Variants in MYH14 observed in about 807,000 individuals in gnomAD.
MYH14 encodes the protein myosin-14.
In MYH14, 123 loss-of-function variants were observed where a neutral mutation model predicts 255.5. The ratio of observed to expected loss-of-function variants is 0.48; its 90% CI spans 0.42 to 0.56. The LOEUF is 0.56. Among genes scored for constraint, MYH14 ranks in the 20% least tolerant of loss-of-function variants. The pLI, the probability that MYH14 is intolerant of heterozygous loss-of-function variation, is 0.00. For synonymous variants in MYH14, 1,095 were observed against 1,161.2 expected (o/e 0.94, Z 1.16); for missense variants, 2,423 against 2,802.3 (o/e 0.86, Z 3.06).
chr19:50,215,383 C>G (rs2032423307), intron 2 of MYH14, among the ~76,000 whole-genome samples: 2 of 152,220 alleles, frequency 1.3e-5, no homozygotes, highest in Admixed American at 6.5e-5. Context: ...GGGCAGACAC[C>G]CAGCAAACCG....
At position 50,280,297 on chromosome 19, in the gene MYH14, G is replaced by T; in HGVS notation, c.4204G>T (p.Glu1402Ter). The T allele has an allele frequency of 6.4e-7, 1 of 1,551,216 alleles. No individual in the cohort carries two copies. Among genetic ancestry groups the T allele is most frequent in the Non-Finnish European group, 8.7e-7 (1 of 1,146,896 alleles). Reference protein sequence around the residue: ...LGSRVRAMEAEAAGLREQLEE... With the variant: ...LGSRVRAMEA ...GTCCCGGGTGCGAGCCATGGAGGCTGAGGCAGCCGGGCTGCGTGAGCAGCT... is the reference window on the plus strand; with the variant it reads ...GTCCCGGGTGCGAGCCATGGAGGCTTAGGCAGCCGGGCTGCGTGAGCAGCT... The change falls in exon 32 of 43, where the codon GAG becomes TAG. Residue 1402 changes from glutamate to a stop codon, truncating the protein, a stop_gained. Coordinates refer to ENST00000642316, the MANE Select transcript of MYH14 (RefSeq NM_001145809.2). LOFTEE classifies it high-confidence loss of function. This position sits in a 1 kb window ranked among gnomAD's most constrained non-coding sequence, Gnocchi z 4.8.
intron 3 of MYH14, among the ~76,000 whole-genome samples, 171 bp downstream of exon 3, chr19:50,217,942 T>C (rs1403627936): frequency 6.6e-6 from 1 of 152,208 alleles, no homozygotes; most frequent in African/African-American, 2.4e-5. Flanking sequence ...GGTGAGGTGC[T>C]AGGTCCTAGA....
intron 2 of MYH14, among the ~76,000 whole-genome samples, chr19:50,217,328 C>T (rs1428271749): frequency 6.6e-6 from 1 of 152,190 alleles, no homozygotes; most frequent in East Asian, 1.9e-4. Flanking sequence ...CTGTGTGAGT[C>T]CAGGCAGCCA....
intron 34 of MYH14, among the ~76,000 whole-genome samples, chr19:50,287,369 C>T (rs1352325793): frequency 1.3e-5 from 2 of 152,200 alleles, no homozygotes; most frequent in Non-Finnish European, 2.9e-5. Context: ...TTTGTGTACA[C>T]GGGATGTAAG....
At chr19:50,256,284 A>C (rs920597379) in intron 17 of MYH14, among the ~76,000 whole-genome samples, 1 of 152,124 alleles carries the variant, frequency 6.6e-6, no homozygotes, top group African/African-American at 2.4e-5. Context: ...CTCAGAAAAC[A>C]AACAAACAAC....
rs2123354296 is a variant in MYH14 at position 50,261,599 on chromosome 19, C to T, written c.2549C>T (p.Ser850Phe). ...RDLKVTDIIVSFQAAARGYLA... is the reference protein window; with the variant it reads ...RDLKVTDIIVFFQAAARGYLA... ...CTGAAGGTCACCGACATCATCGTCT[C>T]CTTCCAGGCAGCTGCCCGGGGATAC... Residue 850 changes from serine (S) to phenylalanine (F), a missense_variant, in exon 21 of 43, where the codon TCC becomes TTC. This residue lies in a region of MYH14 where 1,513 missense variants were observed against 1,674.8 expected (regional missense o/e 0.90). Coordinates refer to ENST00000642316, the MANE Select transcript of MYH14 (RefSeq NM_001145809.2). 1 of 1,604,292 alleles carries T rather than the reference C, an allele frequency of 6.2e-7. No individual in the cohort carries two copies.
chr19:50,211,924 G>T (rs565222402), intron 2 of MYH14, among the ~76,000 whole-genome samples: 1 of 152,114 alleles, frequency 6.6e-6, no homozygotes, highest in Non-Finnish European at 1.5e-5. Flanking sequence ...GAAGGTGGAG[G>T]CTGCAGTGAG....
chr19:50,296,532 G>A (rs1013148992), intron 39 of MYH14, among the ~76,000 whole-genome samples: 1 of 152,028 alleles, frequency 6.6e-6, no homozygotes, highest in Non-Finnish European at 1.5e-5. Context: ...GCCTGGATCC[G>A]GGAAGCAGAG....
Position 50,225,030 on chromosome 19 carries a change from C to T in MYH14, c.718-555C>T, listed in dbSNP as rs187595965. Among the ~76,000 whole-genome samples, 13 of 152,226 alleles carry T rather than the reference C, an allele frequency of 8.5e-5. No homozygotes were observed. In the East Asian group the frequency reaches 2.5e-3, roughly 29 times the overall value. On this transcript the variant is annotated intron_variant, in intron 6 of 42. Transcript: ENST00000642316. ...CTGAGGTGAGAGGATTCCTTGAGCC[C>T]AGGAATTTGAGGCTGCTATGAGTTA... is the stretch of plus-strand genomic sequence containing the variant.
intron 10 of MYH14, among the ~76,000 whole-genome samples, chr19:50,232,584 ACT>A (rs541908716): frequency 0.028 from 3,409 of 122,942 alleles, 42 homozygotes; most frequent in Middle Eastern, 0.052. Flanking sequence ...ACAGAGCGAG[ACT>A]CTGTCTCAAA....
At chr19:50,239,549 T>G (rs77806735) in intron 10 of MYH14, among the ~76,000 whole-genome samples, 32,058 of 151,918 alleles carry the variant, frequency 0.21, 3,627 homozygotes, top group Middle Eastern at 0.27. Context: ...ACACACCTTT[T>G]TCTTTTTCTT....
chr19:50,204,875 A>G (rs1191023481), intron 1 of MYH14, among the ~76,000 whole-genome samples: 1 of 151,606 alleles, frequency 6.6e-6, no homozygotes, highest in Non-Finnish European at 1.5e-5. Flanking sequence ...AAGCTGGGCA[A>G]CAGAGAGAGA....
At chr19:50,307,811 C>G (rs1346011543) in intron 41 of MYH14, among the ~76,000 whole-genome samples, 1 of 152,232 alleles carries the variant, frequency 6.6e-6, no homozygotes, top group African/African-American at 2.4e-5. Flanking sequence ...GAGCCTGGAT[C>G]AGATCCCAGG....
intron 35 of MYH14, among the ~76,000 whole-genome samples, chr19:50,290,422 G>A (rs1278537270): frequency 6.6e-6 from 1 of 152,354 alleles, no homozygotes; most frequent in South Asian, 2.1e-4. Flanking sequence ...AGCTCTGGGT[G>A]TCAGAAAGAC....
chr19:50,259,859 C>G lies in MYH14; in HGVS notation c.2354+594C>G, dbSNP rs577213848. 2.0e-5 allele frequency among the ~76,000 whole-genome samples: 3 copies of G among 152,020 alleles called. No individual in the cohort carries two copies. In the South Asian group the frequency reaches 6.2e-4, roughly 32 times the overall value. ...CGCCATTGCACTCCAGCCTGGGCAA[C>G]AAGAGCAAAACTCTGTCTCAAAAAA... is the stretch of plus-strand genomic sequence containing the variant. On this transcript the variant is annotated intron_variant, in intron 19 of 42. Coordinates refer to ENST00000642316, the MANE Select transcript of MYH14 (RefSeq NM_001145809.2).
rs2033352538 is a variant in MYH14, at chr19:50,230,949, G to A, written c.973+326G>A. ...CTCTCGCGCGGCTTCTCCTCACTCCGGCGGGTGACTCCGGCTTTGCTGAGG... is the reference window on the plus strand; with the variant it reads ...CTCTCGCGCGGCTTCTCCTCACTCCAGCGGGTGACTCCGGCTTTGCTGAGG... On this transcript the variant is annotated intron_variant, in intron 9 of 42. Transcript: ENST00000642316. The surrounding 1 kb of genome is among the most constrained non-coding windows in gnomAD (Gnocchi z 4.7). 5 of 334,136 alleles carry A rather than the reference G, an allele frequency of 1.5e-5. No individual in the cohort carries two copies. Among genetic ancestry groups the A allele is most frequent in the Non-Finnish European group, 2.8e-5 (5 of 176,618 alleles). The allele number at this position is 334,136 out of a possible 1,614,324, so 20.7% of individuals were successfully genotyped here.
At chr19:50,226,532 G>A (rs1323581290) in intron 7 of MYH14, among the ~76,000 whole-genome samples, 1 of 150,274 alleles carries the variant, frequency 6.7e-6, no homozygotes, top group African/African-American at 2.5e-5. Context: ...GAGGGGCTGG[G>A]GGCCCAGATC....
chr19:50,203,884 G>A (rs2031586671), intron 1 of MYH14, among the ~76,000 whole-genome samples: 1 of 151,982 alleles, frequency 6.6e-6, no homozygotes, highest in Admixed American at 6.5e-5. Context: ...AACTCCAGTT[G>A]CCGCCGTGTG....
chr19:50,249,242 C>G, intron 13 of MYH14, 103 bp downstream of exon 13: 2 of 1,331,656 alleles, frequency 1.5e-6, no homozygotes, highest in Non-Finnish European at 2.0e-6. Context: ...CTGTCCCCCT[C>G]TCTCTCTCTG....
Sources: gnomAD v4.1 joint callset for allele counts (sites outside exome capture counted in the v4.1 genomes callset) on GRCh38, gnomAD v4.1.1 for gene constraint, gnomAD v4.1.1 regional missense constraint, Gnocchi (gnomAD v3.1) non-coding constraint, MANE v1.5 for transcripts, NCBI Gene and HGNC (gene_info 2026-07-23, HGNC 2026-07-21) for gene names.